Variants in PEX14 observed in about 807,000 individuals in gnomAD.
The protein encoded by PEX14 is peroxisomal biogenesis factor 14.
Under a neutral mutation model 49.5 loss-of-function variants are expected in PEX14, and 15 were observed. The observed-to-expected ratio is 0.30, with a 90% CI of 0.20 to 0.47. PEX14 has a LOEUF of 0.47. Ranked by LOEUF, PEX14 falls within the 20% of genes least tolerant of loss-of-function variation. The probability of loss-of-function intolerance (pLI) is 1.00; values close to 1 mark genes in which losing one functional copy is unlikely to be tolerated. For synonymous variants in PEX14, 210 were observed against 212.7 expected, an observed-to-expected ratio of 0.99 and a Z score of 0.11; for missense variants, 398 against 494.8, an observed-to-expected ratio of 0.80 and a Z score of 1.86.
In PEX14 at chr1:10,495,430, T is replaced by G; in HGVS notation, c.84+109T>G. 1 of 889,598 alleles carries G rather than the reference T, an allele frequency of 1.1e-6. No individual in the cohort carries two copies. The highest frequency in any genetic ancestry group is 1.8e-6 in the Non-Finnish European group (1 of 548,128). The allele number at this position is 889,598 out of a possible 1,614,324, so 55.1% of individuals were successfully genotyped here. On this transcript the variant is annotated intron_variant, in intron 2 of 8. Coordinates refer to ENST00000356607, the MANE Select transcript of PEX14 (RefSeq NM_004565.3). The surrounding 1 kb of genome is among the most constrained non-coding windows in gnomAD (Gnocchi z 4.2). ...TGCGTCAGTAGTGTCCCTTTAAAAG[T>G]AGCTGTTACCTAGAGACTGCCTCTG...
chr1:10,515,071 C>G (rs757202513), intron 2 of PEX14, among the ~76,000 whole-genome samples: 2 of 152,200 alleles, frequency 1.3e-5, no homozygotes, highest in Non-Finnish European at 2.9e-5. Flanking sequence ...GCTCCGTCCT[C>G]CAGCGGGCTC....
chr1:10,598,992 T>C (rs1321821256), intron 3 of PEX14, among the ~76,000 whole-genome samples: 5 of 152,018 alleles, frequency 3.3e-5, no homozygotes, highest in African/African-American at 1.2e-4. Flanking sequence ...AAAGCAGCAA[T>C]AAACTCAAGG....
Position 10,495,345 on chromosome 1 carries a change from T to C in PEX14, c.84+24T>C, listed in dbSNP as rs770095562. Reference sequence around the variant, plus strand: ...TGGTAAGTACCCAAGATATGTGGTATCACTTTCTAGTAATTAAAATGCCAC... The same window carrying C: ...TGGTAAGTACCCAAGATATGTGGTACCACTTTCTAGTAATTAAAATGCCAC... On this transcript the variant is annotated intron_variant, in intron 2 of 8. Transcript: ENST00000356607. The surrounding 1 kb of genome is among the most constrained non-coding windows in gnomAD (Gnocchi z 4.2). 1 of 1,593,704 alleles carries C rather than the reference T, an allele frequency of 6.3e-7. No homozygotes were observed. Among genetic ancestry groups the C allele is most frequent in the South Asian group, 1.1e-5 (1 of 90,252 alleles).
At chr1:10,476,730 A>T (rs1325124357) in intron 1 of PEX14, among the ~76,000 whole-genome samples, 1 of 152,082 alleles carries the variant, frequency 6.6e-6, no homozygotes, top group African/African-American at 2.4e-5. Flanking sequence ...ACTTCAAGTG[A>T]TCTGCCCGCC....
chr1:10,630,388 A>C lies in PEX14; in HGVS notation c.*401A>C, dbSNP rs1220024954. On this transcript the variant is annotated 3_prime_UTR_variant, in exon 9 of 9. Coordinates refer to ENST00000356607, the MANE Select transcript of PEX14 (RefSeq NM_004565.3). This position sits in a 1 kb window ranked among gnomAD's most constrained non-coding sequence, Gnocchi z 4.1. ...GAGCTAGCGTCCCTACTGCCTCCCG[A>C]CTCCTCAGTGGAGGAGGAGCTGCGG... The C allele has an allele frequency of 1.4e-5, 3 of 207,674 alleles. No individual in the cohort carries two copies. Among genetic ancestry groups the C allele is most frequent in the Non-Finnish European group, 2.9e-5 (3 of 103,186 alleles). The allele number at this position is 207,674 out of a possible 1,614,324, so 12.9% of individuals were successfully genotyped here.
chr1:10,516,063 CT>C (rs1641964574), intron 2 of PEX14, among the ~76,000 whole-genome samples: 1 of 152,148 alleles, frequency 6.6e-6, no homozygotes, highest in South Asian at 2.1e-4. Context: ...TTTCCCCTTT[CT>C]TCCAAAATTG....
rs140575880 is a variant in PEX14 at position 10,630,124 on chromosome 1, G to C, written c.*137G>C. 2 of 1,339,870 alleles carry C rather than the reference G, an allele frequency of 1.5e-6. No individual in the cohort carries two copies. Among genetic ancestry groups the C allele is most frequent in the South Asian group, 1.4e-5 (1 of 72,454 alleles). The allele number at this position is 1,339,870 out of a possible 1,614,324, so 83.0% of individuals were successfully genotyped here. A position where few individuals can be genotyped will look rare whatever the true frequency, so the allele number is the denominator to read the frequency against. On this transcript the variant is annotated 3_prime_UTR_variant, in exon 9 of 9. Coordinates refer to ENST00000356607, the MANE Select transcript of PEX14 (RefSeq NM_004565.3). This position sits in a 1 kb window ranked among gnomAD's most constrained non-coding sequence, Gnocchi z 4.1. ...GCAGAGCTGTCCTCAGCTGCACTGC[G>C]GCCTGGTGGCAGTGTGGGGAGTCAC...
intron 3 of PEX14, among the ~76,000 whole-genome samples, chr1:10,589,170 C>CA (rs1216718565): frequency 6.6e-6 from 1 of 152,222 alleles, no homozygotes; most frequent in African/African-American, 2.4e-5. Flanking sequence ...TTTTCCGTCA[C>CA]ACTGAAACAG....
chr1:10,620,412 C>G (rs976943624), intron 5 of PEX14, among the ~76,000 whole-genome samples: 1 of 152,006 alleles, frequency 6.6e-6, no homozygotes, highest in African/African-American at 2.4e-5. Context: ...CACTTGGGCT[C>G]GGGAGGTGGA....
Position 10,532,640 on chromosome 1 carries a change from C to A in PEX14, c.85-3573C>A, listed in dbSNP as rs187886767. Among the ~76,000 whole-genome samples, 22 of 152,290 alleles carry A rather than the reference C, an allele frequency of 1.4e-4. No individual in the cohort carries two copies. In the East Asian group the frequency reaches 3.5e-3, roughly 24 times the overall value. On this transcript the variant is annotated intron_variant, in intron 2 of 8. Coordinates refer to ENST00000356607, the MANE Select transcript of PEX14 (RefSeq NM_004565.3). ...CTCCCACAACATGTGCAATAAAGTT[C>A]CTGTCTCCGTTTTACATCTTTGACA...
At chr1:10,483,584 G>A (rs974757723) in intron 1 of PEX14, among the ~76,000 whole-genome samples, 3 of 151,566 alleles carry the variant, frequency 2.0e-5, no homozygotes, top group Admixed American at 1.3e-4. Flanking sequence ...CAAAGTGCTG[G>A]GATTATAGGC....
At chr1:10,483,154 T>G (rs1272791984) in intron 1 of PEX14, among the ~76,000 whole-genome samples, 2 of 152,164 alleles carry the variant, frequency 1.3e-5, no homozygotes, top group Non-Finnish European at 2.9e-5. Context: ...GCAACTTTGC[T>G]AGTATTGTTT....
chr1:10,545,002 A>G (rs888270920), intron 3 of PEX14, among the ~76,000 whole-genome samples: 1 of 152,138 alleles, frequency 6.6e-6, no homozygotes, highest in Non-Finnish European at 1.5e-5. Context: ...GGCTCAAGTG[A>G]TCTGCCCACC....
At chr1:10,570,724 T>C (rs891942003) in intron 3 of PEX14, among the ~76,000 whole-genome samples, 2 of 152,154 alleles carry the variant, frequency 1.3e-5, no homozygotes, top group East Asian at 1.9e-4. Context: ...AAGAAACTGA[T>C]TGGAGCATCT....
intron 3 of PEX14, among the ~76,000 whole-genome samples, chr1:10,553,781 C>T (rs1439425780): frequency 6.6e-6 from 1 of 152,148 alleles, no homozygotes; most frequent in African/African-American, 2.4e-5. Flanking sequence ...CTGCTCTTCC[C>T]TGAGTTTGTC....
rs1478146246 is a variant in PEX14 at position 10,613,991 on chromosome 1, G to A, written c.299-4341G>A. Among the ~76,000 whole-genome samples the A allele has an allele frequency of 6.6e-6, 1 of 152,254 alleles. No homozygotes were observed. The highest frequency in any genetic ancestry group is 2.4e-5 in the African/African-American group (1 of 41,464). Reference sequence around the variant, plus strand: ...CCTCCGGACATTCAGGGAGCCTGGTGGCGGGGAGGTGTGTTCCCAGGCGCC... The same window carrying A: ...CCTCCGGACATTCAGGGAGCCTGGTAGCGGGGAGGTGTGTTCCCAGGCGCC... On this transcript the variant is annotated intron_variant, in intron 4 of 8. Transcript: ENST00000356607. The surrounding 1 kb of genome is among the most constrained non-coding windows in gnomAD (Gnocchi z 5.0).
intron 2 of PEX14, among the ~76,000 whole-genome samples, chr1:10,496,317 A>G (rs1273553348): frequency 6.6e-6 from 1 of 152,112 alleles, no homozygotes; most frequent in Non-Finnish European, 1.5e-5. Context: ...GTCACCAGTT[A>G]CGGGCTTATA....
chr1:10,528,288 A>G, intron 2 of PEX14: 1 of 982,466 alleles, frequency 1.0e-6, no homozygotes, highest in Non-Finnish European at 1.2e-6. Flanking sequence ...ACCAATCTCC[A>G]TCTGGCCGAA....
intron 3 of PEX14, among the ~76,000 whole-genome samples, chr1:10,560,107 G>T (rs1351079983): frequency 2.0e-5 from 3 of 151,790 alleles, no homozygotes; most frequent in Non-Finnish European, 4.4e-5. Flanking sequence ...GCTCAGGCTG[G>T]AATGCAATGG....
Sources: allele counts gnomAD v4.1 joint callset (sites outside exome capture counted in the v4.1 genomes callset), GRCh38; gene constraint gnomAD v4.1.1; non-coding constraint Gnocchi (gnomAD v3.1); transcripts MANE v1.5; gene names NCBI Gene and HGNC (gene_info 2026-07-23, HGNC 2026-07-21).